Variants in PTCRA observed in about 807,000 individuals in gnomAD.
PTCRA encodes pre T-cell antigen receptor alpha.
PTCRA carries 9 observed loss-of-function variants against 13.4 expected under a neutral mutation model. That is an observed-to-expected ratio of 0.67 (90% CI 0.41 to 1.18). The LOEUF is 1.18. Ranked by LOEUF, PTCRA falls within the 50% of genes most tolerant of loss-of-function variation. The pLI is 0.01. For synonymous variants in PTCRA, 153 were observed against 161.9 expected (o/e 0.94, Z 0.42); for missense variants, 353 against 359.8 (o/e 0.98, Z 0.15).
intron 1 of PTCRA, among the ~76,000 whole-genome samples, chr6:42,920,790 G>A (rs1331264617): frequency 6.8e-6 from 1 of 147,188 alleles, no homozygotes; most frequent in Non-Finnish European, 1.5e-5. Context: ...TGTCTGGTAT[G>A]TGGACTATAT....
At chr6:42,922,314 C>T (rs2114128489) in intron 1 of PTCRA, 1 of 696,288 alleles carries the variant, frequency 1.4e-6, no homozygotes, top group Non-Finnish European at 2.6e-6. Flanking sequence ...GAACTGAGTT[C>T]CTTGAGAGCA....
intron 1 of PTCRA, among the ~76,000 whole-genome samples, chr6:42,919,820 A>G (rs113433755): frequency 0.32 from 32,472 of 102,618 alleles, 3,262 homozygotes; most frequent in African/African-American, 0.49. Flanking sequence ...GAGGTGGAAG[A>G]ATAGCTTGAG....
chr6:42,920,476 G>C (rs1455304580), intron 1 of PTCRA, among the ~76,000 whole-genome samples: 1 of 151,050 alleles, frequency 6.6e-6, no homozygotes, highest in Non-Finnish European at 1.5e-5. Flanking sequence ...CCAGGCTGGA[G>C]TGCAGTGGCG....
intron 2 of PTCRA, 111 bp downstream of exon 2, chr6:42,923,458 G>A (rs1422762785): frequency 6.7e-6 from 7 of 1,052,130 alleles, no homozygotes; most frequent in Non-Finnish European, 9.7e-6. Context: ...GGGTGTCCAA[G>A]CGCAGAGCCT....
intron 3 of PTCRA, chr6:42,924,514 G>A: frequency 1.7e-6 from 1 of 574,938 alleles, no homozygotes; most frequent in Non-Finnish European, 3.1e-6. Flanking sequence ...AGAAGCACAG[G>A]TGACAGCTAA....
At chr6:42,923,413 G>A in intron 2 of PTCRA, 66 bp downstream of exon 2, 1 of 1,497,294 alleles carries the variant, frequency 6.7e-7, no homozygotes, top group South Asian at 1.2e-5. Flanking sequence ...GATATGGTTG[G>A]AGGGAGGGCA....
rs773293542 is a variant in PTCRA, at chr6:42,925,675, C to T, written c.839C>T (p.Ala280Val). 1 of 1,524,742 alleles carries T rather than the reference C, an allele frequency of 6.6e-7. No homozygotes were observed. The highest frequency in any genetic ancestry group is 8.8e-7 in the Non-Finnish European group (1 of 1,135,974). 94.5% of individuals were successfully genotyped at this position (1,524,742 alleles called of 1,614,324 possible). ...GDLPPPLQAGAA is the reference protein window; with the variant it reads ...GDLPPPLQAGVA Reference sequence around the variant, plus strand: ...CTGCCTCCTCCTCTGCAGGCTGGAGCTGCCTGAGGGCAGGGCTCTACCTCC... The same window carrying T: ...CTGCCTCCTCCTCTGCAGGCTGGAGTTGCCTGAGGGCAGGGCTCTACCTCC... Residue 280 changes from alanine (A) to valine (V), a missense_variant, in exon 4 of 4, where the codon GCT becomes GTT. Transcript: ENST00000304672. This position sits in a 1 kb window ranked among gnomAD's most constrained non-coding sequence, Gnocchi z 4.4.
At chr6:42,923,696 G>T (rs147479875) in intron 2 of PTCRA, among the ~76,000 whole-genome samples, 1 of 152,246 alleles carries the variant, frequency 6.6e-6, no homozygotes, top group East Asian at 1.9e-4. Flanking sequence ...GTTATTGAGT[G>T]TTTACTCTGT....
At chr6:42,920,714 A>T (rs899788257) in intron 1 of PTCRA, among the ~76,000 whole-genome samples, 2 of 151,258 alleles carry the variant, frequency 1.3e-5, no homozygotes, top group South Asian at 2.1e-4. Context: ...CTTGAGCCAC[A>T]GCGCCCAGCC....
chr6:42,921,468 A>AGT (rs1767158580), intron 1 of PTCRA, among the ~76,000 whole-genome samples: 2 of 124,128 alleles, frequency 1.6e-5, no homozygotes, highest in South Asian at 5.2e-4. Context: ...GCCAGGCTGG[A>AGT]GTGCAGTGGC....
At chr6:42,919,900 G>A (rs578009252) in intron 1 of PTCRA, among the ~76,000 whole-genome samples, 57 of 149,234 alleles carry the variant, frequency 3.8e-4, no homozygotes, top group South Asian at 1.5e-3. Context: ...TAAAAATGTA[G>A]CCGGGTGTTG....
intron 1 of PTCRA, among the ~76,000 whole-genome samples, chr6:42,920,761 A>G (rs1020376268): frequency 1.3e-5 from 2 of 150,434 alleles, no homozygotes; most frequent in Non-Finnish European, 2.9e-5. Flanking sequence ...TAATACACCT[A>G]TACTTCAAAT....
chr6:42,924,419 G>A lies in PTCRA; in HGVS notation c.424+146G>A, dbSNP rs570726813. 1.8e-4 allele frequency: 125 copies of A among 712,858 alleles called. 1 individual carries two copies. In the African/African-American group the frequency reaches 2.0e-3, roughly 11 times the overall value. 44.2% of individuals were successfully genotyped at this position (712,858 alleles called of 1,614,324 possible). ...GTAGAGGCTGTCATGCTAGGTTGGGGCACTGGCTAGCATGGGCCTCAGTCT... is the reference window on the plus strand; with the variant it reads ...GTAGAGGCTGTCATGCTAGGTTGGGACACTGGCTAGCATGGGCCTCAGTCT... On this transcript the variant is annotated intron_variant, in intron 3 of 3. Transcript: ENST00000304672.
chr6:42,923,200 C>A lies in PTCRA; in HGVS notation c.232C>A (p.Pro78Thr). ...TGCACTGGATGCCTTCACCTATGGC[C>A]CTTCCCCAGCAACGGATGGCACCTG... ...GSALDAFTYGPSPATDGTWTN... is the reference protein window; with the variant it reads ...GSALDAFTYGTSPATDGTWTN... The change falls in exon 2 of 4, where the codon CCT becomes ACT. Residue 78 changes from proline to threonine, a missense_variant. Transcript: ENST00000304672. 1 of 1,614,242 alleles carries A rather than the reference C, an allele frequency of 6.2e-7. No homozygotes were observed. The highest frequency in any genetic ancestry group is 8.5e-7 in the Non-Finnish European group (1 of 1,180,046).
At chr6:42,919,079 C>T (rs373697986) in intron 1 of PTCRA, among the ~76,000 whole-genome samples, 82 of 147,138 alleles carry the variant, frequency 5.6e-4, no homozygotes, top group African/African-American at 2.0e-3. Flanking sequence ...GAGTCCCGCT[C>T]TGTCGCCAGG....
At chr6:42,924,194 C>T in intron 2 of PTCRA, 35 bp from the exon 3 acceptor site, 1 of 1,583,212 alleles carries the variant, frequency 6.3e-7, no homozygotes, top group Non-Finnish European at 8.6e-7. Context: ...CATGGCCCAT[C>T]CCCAAAGACT....
chr6:42,922,768 A>G (rs1210836877), intron 1 of PTCRA, among the ~76,000 whole-genome samples: 1 of 151,646 alleles, frequency 6.6e-6, no homozygotes. Context: ...GAAAGAATAC[A>G]TGGAGGATAG....
intron 1 of PTCRA, among the ~76,000 whole-genome samples, chr6:42,918,542 G>A (rs966220869): frequency 2.6e-5 from 4 of 151,944 alleles, no homozygotes; most frequent in Non-Finnish European, 4.4e-5. Context: ...GCAACAGAGT[G>A]AGACTCCATC....
intron 1 of PTCRA, 61 bp downstream of exon 1, chr6:42,916,188 A>C: frequency 6.8e-7 from 1 of 1,479,598 alleles, no homozygotes; most frequent in Non-Finnish European, 9.4e-7. Flanking sequence ...CCATCCCCTC[A>C]CTCTGGACCT....
Sources: allele counts gnomAD v4.1 joint callset (sites outside exome capture counted in the v4.1 genomes callset), GRCh38; gene constraint gnomAD v4.1.1; non-coding constraint Gnocchi (gnomAD v3.1); transcripts MANE v1.5; gene names NCBI Gene and HGNC (gene_info 2026-07-23, HGNC 2026-07-21).